MRPL37: variants seen among roughly 807,000 people sequenced by gnomAD.
The protein encoded by MRPL37 is mitochondrial ribosomal protein L37.
Under a neutral mutation model 44.1 loss-of-function variants are expected in MRPL37, and 34 were observed. The ratio of observed to expected loss-of-function variants is 0.77; its 90% CI spans 0.59 to 1.03. MRPL37 has a LOEUF of 1.03. MRPL37 is among the 50% of genes least tolerant of loss of function. The pLI, the probability that MRPL37 is intolerant of heterozygous loss-of-function variation, is 0.00. For synonymous variants in MRPL37, 212 were observed against 219.5 expected (o/e 0.97, Z 0.30); for missense variants, 532 against 543.7 (o/e 0.98, Z 0.21).
chr1:54,208,406 G>A (rs769918648), intron 3 of MRPL37, among the ~76,000 whole-genome samples: 1 of 151,918 alleles, frequency 6.6e-6, no homozygotes, highest in Non-Finnish European at 1.5e-5. Context: ...AAAATTAGCC[G>A]GGCATGGTGA....
At chr1:54,219,371 C>A (rs578056746), downstream of MRPL37, among the ~76,000 whole-genome samples, 2 of 152,350 alleles carry the variant, frequency 1.3e-5, no homozygotes, top group East Asian at 3.9e-4. Context: ...TGTGTCTCTG[C>A]CTCCCAGGCT....
At chr1:54,206,305 G>A (rs1233816577) in intron 3 of MRPL37, among the ~76,000 whole-genome samples, 1 of 151,810 alleles carries the variant, frequency 6.6e-6, no homozygotes, top group Non-Finnish European at 1.5e-5. Flanking sequence ...GTAGAGACAA[G>A]GTTTCACCAT....
Position 54,200,387 on chromosome 1 carries a change from G to T in MRPL37, c.144G>T (p.Arg48Ser). ...TRKSEPPPLD[R>S]VYEIPGLEPI... ...AGTCGGAGCCTCCTCCCCTGGATAG[G>T]GTGTACGAGATCCCTGGACTGGAGC... Residue 48 changes from arginine (R) to serine (S), a missense_variant, in exon 1 of 7, where the codon AGG becomes AGT. By Grantham distance (110) the Arg-to-Ser change is moderately radical. Transcript: ENST00000360840. The T allele has an allele frequency of 1.2e-6, 2 of 1,614,226 alleles. No individual in the cohort carries two copies. The highest frequency in any genetic ancestry group is 1.7e-5 in the Admixed American group (1 of 60,032).
chr1:54,215,211 A>G (rs752807072), intron 5 of MRPL37, among the ~76,000 whole-genome samples: 6 of 152,240 alleles, frequency 3.9e-5, no homozygotes, highest in Non-Finnish European at 8.8e-5. Context: ...GGATTAAACC[A>G]GAACAACAGG....
At chr1:54,201,661 G>A (rs1644084472) in intron 1 of MRPL37, among the ~76,000 whole-genome samples, 1 of 152,234 alleles carries the variant, frequency 6.6e-6, no homozygotes, top group Non-Finnish European at 1.5e-5. Flanking sequence ...GTAATGGAGA[G>A]AGGTGATGTT....
At chr1:54,222,246 C>G, downstream of MRPL37, among the ~76,000 whole-genome samples, 1 of 152,142 alleles carries the variant, frequency 6.6e-6, no homozygotes, top group East Asian at 1.9e-4. Flanking sequence ...GCTGTGGGGA[C>G]CCAGGGAGAG....
intron 1 of MRPL37, among the ~76,000 whole-genome samples, chr1:54,203,094 C>A (rs909928657): frequency 1.3e-5 from 2 of 152,174 alleles, no homozygotes; most frequent in Non-Finnish European, 2.9e-5. Context: ...AGCTAAGTTT[C>A]TTTAATGTTT....
chr1:54,223,230 C>T (rs1173321536), downstream of MRPL37, among the ~76,000 whole-genome samples: 5 of 152,202 alleles, frequency 3.3e-5, no homozygotes, highest in African/African-American at 1.2e-4. Flanking sequence ...GGCAGAGCAA[C>T]GCTCATCCGC....
At chr1:54,223,666 A>T (rs1374620392), downstream of MRPL37, among the ~76,000 whole-genome samples, 5 of 151,884 alleles carry the variant, frequency 3.3e-5, no homozygotes, top group African/African-American at 1.2e-4. Context: ...AGGCCGGCCG[A>T]CCCCTAGAAT....
chr1:54,218,426 A>C (rs893903717), downstream of MRPL37: 1 of 1,449,530 alleles, frequency 6.9e-7, no homozygotes, highest in African/African-American at 1.4e-5. Context: ...GGGCGCCCAC[A>C]CAAGTCCAAG....
At chr1:54,214,687 A>C (rs961954236) in intron 5 of MRPL37, among the ~76,000 whole-genome samples, 1 of 152,170 alleles carries the variant, frequency 6.6e-6, no homozygotes, top group African/African-American at 2.4e-5. Context: ...ATTACCACCC[A>C]GTTGGGTAGG....
At chr1:54,218,616 T>TA (rs35963963), downstream of MRPL37, among the ~76,000 whole-genome samples, 2,259 of 152,362 alleles carry the variant, frequency 0.015, 30 homozygotes, top group Non-Finnish European at 0.022. Flanking sequence ...ACATGGCAGA[T>TA]ACGCTGATGG....
intron 1 of MRPL37, among the ~76,000 whole-genome samples, chr1:54,204,010 T>C (rs754202757): frequency 1.3e-5 from 2 of 152,240 alleles, no homozygotes; most frequent in Admixed American, 6.5e-5. Flanking sequence ...AAATATTTAC[T>C]ATTTGGCCCT....
intron 5 of MRPL37, among the ~76,000 whole-genome samples, chr1:54,214,136 G>A (rs1456616228): frequency 6.6e-6 from 1 of 152,210 alleles, no homozygotes; most frequent in African/African-American, 2.4e-5. Flanking sequence ...TGAGCTGAAA[G>A]ATTGCACCAC....
rs1223363844 is a variant in MRPL37 at position 54,212,666 on chromosome 1, G to C, written c.990+8G>C. 3 of 1,614,156 alleles carry C rather than the reference G, an allele frequency of 1.9e-6. No homozygotes were observed. Among genetic ancestry groups the C allele is most frequent in the Non-Finnish European group, 8.5e-7 (1 of 1,180,010 alleles). On this transcript the variant is annotated splice_region_variant and intron_variant, in intron 5 of 6. Coordinates refer to ENST00000360840, the MANE Select transcript of MRPL37 (RefSeq NM_016491.4). The stretch of plus-strand genomic sequence containing the variant: ...GCCCGGCTCCTCTATGGGGTATGTA[G>C]GTGGAGAAGACCACTGAGTTGCTTT...
chr1:54,202,737 T>C (rs1338822212), intron 1 of MRPL37, among the ~76,000 whole-genome samples: 1 of 152,148 alleles, frequency 6.6e-6, no homozygotes, highest in Admixed American at 6.5e-5. Context: ...GCAATCTACC[T>C]ACTTCAGCCT....
chr1:54,205,554 C>T lies in MRPL37; in HGVS notation c.646+144C>T. ...TGGTCTCGTTTTGTAGGCTCAGACA[C>T]ACCCTCAGTATCATTAGCCATAGCC... On this transcript the variant is annotated intron_variant, in intron 3 of 6. Transcript: ENST00000360840. 3 of 663,886 alleles carry T rather than the reference C, an allele frequency of 4.5e-6. No individual in the cohort carries two copies. The South Asian group carries it at 6.0e-5, about 13-fold the overall frequency. 41.1% of individuals were successfully genotyped at this position (663,886 alleles called of 1,614,324 possible). A position where few individuals can be genotyped will look rare whatever the true frequency, so the allele number is the denominator to read the frequency against.
chr1:54,225,098 C>G, downstream of MRPL37: 7 of 1,234,244 alleles, frequency 5.7e-6, no homozygotes, highest in Non-Finnish European at 7.1e-6. Context: ...ACAGAGGGCA[C>G]CAGGAGGAAC....
chr1:54,205,697 A>C (rs1265252726), intron 3 of MRPL37, among the ~76,000 whole-genome samples: 1 of 152,224 alleles, frequency 6.6e-6, no homozygotes, highest in Non-Finnish European at 1.5e-5. Flanking sequence ...AGGTAAGGAA[A>C]TTTATAATAA....
Sources: allele counts gnomAD v4.1 joint callset (sites outside exome capture counted in the v4.1 genomes callset), GRCh38; gene constraint gnomAD v4.1.1; transcripts MANE v1.5; gene names NCBI Gene and HGNC (gene_info 2026-07-23, HGNC 2026-07-21).